PDZD2: variants seen among roughly 807,000 people sequenced by gnomAD.
PDZD2 encodes PDZ domain containing 2.
A neutral mutation model predicts 220.7 loss-of-function variants in PDZD2; 90 were observed. The ratio of observed to expected loss-of-function variants is 0.41; its 90% confidence interval spans 0.34 to 0.49. The LOEUF is 0.49. Ranked by LOEUF, PDZD2 falls within the 20% of genes least tolerant of loss-of-function variation. The probability of loss-of-function intolerance (pLI) is 0.28; values close to 1 mark genes in which losing one functional copy is unlikely to be tolerated. For missense variants in PDZD2, 3,174 were observed against 3,608.5 expected (o/e 0.88, Z 3.08); for synonymous variants, 1,375 against 1,450.5 (o/e 0.95, Z 1.18).
At chr5:31,848,156 A>C (rs1402576780) in intron 2 of PDZD2, 3 of 256,926 alleles carry the variant, frequency 1.2e-5, no homozygotes, top group Non-Finnish European at 2.3e-5. Flanking sequence ...TAAGACCTAA[A>C]CCAAACAATT....
chr5:31,911,241 G>C (rs1380433122), intron 2 of PDZD2, among the ~76,000 whole-genome samples: 3 of 152,184 alleles, frequency 2.0e-5, no homozygotes, highest in Non-Finnish European at 2.9e-5. Flanking sequence ...ACTGTACTAG[G>C]CTGTTGACAT....
chr5:31,860,174 G>A (rs1014831686), intron 2 of PDZD2, among the ~76,000 whole-genome samples: 7 of 151,846 alleles, frequency 4.6e-5, no homozygotes, highest in South Asian at 2.1e-4. Flanking sequence ...CTGTTTTTTC[G>A]CCCCTGCCTC....
intron 6 of PDZD2, among the ~76,000 whole-genome samples, chr5:32,026,421 A>G (rs932837011): frequency 1.3e-5 from 2 of 152,168 alleles, no homozygotes; most frequent in Non-Finnish European, 2.9e-5. Flanking sequence ...GACAGGCGTG[A>G]GCAACTGCGC....
intron 2 of PDZD2, among the ~76,000 whole-genome samples, chr5:31,939,287 TGTATGCACTGGAATTTCAGACACAG>T (rs1746022576): frequency 6.6e-6 from 1 of 152,172 alleles, no homozygotes. Context: ...CTGCTGTTCC[TGTATGCACTGGAATTTCAGACACAG>T]TCAGAAACCT....
Position 32,089,578 on chromosome 5 carries a change from G to T in PDZD2, c.6130G>T (p.Gly2044Cys). The T allele has an allele frequency of 6.2e-7, 1 of 1,612,440 alleles. No individual in the cohort carries two copies. Among genetic ancestry groups the T allele is most frequent in the Non-Finnish European group, 8.5e-7 (1 of 1,180,006 alleles). Residue 2044 changes from glycine to cysteine, a missense_variant, in exon 20 of 25, where the codon GGC (glycine) becomes TGC (cysteine). Coordinates refer to ENST00000438447, the MANE Select transcript of PDZD2 (RefSeq NM_178140.4). ...GGTGAGTCCGGCAGCGTCTAGGAACGGCATGTCCGTGGCAGGGAACAGACA... is the reference window on the plus strand; with the variant it reads ...GGTGAGTCCGGCAGCGTCTAGGAACTGCATGTCCGTGGCAGGGAACAGACA... ...GPVSPAASRN[G>C]MSVAGNRQSE...
At chr5:31,726,255 G>A (rs942650568) in intron 1 of PDZD2, among the ~76,000 whole-genome samples, 6 of 152,184 alleles carry the variant, frequency 3.9e-5, no homozygotes, top group Admixed American at 6.5e-5. Flanking sequence ...TGGGCCGGGC[G>A]CGGTGGCTCA....
intron 2 of PDZD2, among the ~76,000 whole-genome samples, chr5:31,940,756 T>G (rs1290077706): frequency 6.6e-6 from 1 of 152,188 alleles, no homozygotes; most frequent in Non-Finnish European, 1.5e-5. Context: ...AGGCACGAAG[T>G]GGCCCTTGAG....
At chr5:31,795,873 T>C (rs1355250046) in intron 1 of PDZD2, among the ~76,000 whole-genome samples, 2 of 152,188 alleles carry the variant, frequency 1.3e-5, no homozygotes, top group Admixed American at 6.6e-5. Context: ...ATTATAGGTA[T>C]GGGATTGAAA....
intron 2 of PDZD2, among the ~76,000 whole-genome samples, chr5:31,926,540 A>AAAG (rs1215569295): frequency 2.9e-4 from 44 of 151,474 alleles, no homozygotes; most frequent in East Asian, 5.8e-4. Flanking sequence ...AAAAAAAAAA[A>AAAG]AAAAAGAAAA....
In PDZD2 at chr5:31,966,881, C is replaced by T. The variant is rs73751737; in HGVS notation, c.477-16274C>T. Among the ~76,000 whole-genome samples the T allele has an allele frequency of 7.1e-3, 1,078 of 152,212 alleles. 13 individuals are homozygous for T. The highest frequency in any genetic ancestry group is 0.025 in the African/African-American group (1,032 of 41,532). ...CCCCACCAGCCTGCCTGCCACAGAG[C>T]CTCTGAAAAGAAAGAGAAAATCAGA... On this transcript the variant is annotated intron_variant, in intron 2 of 24. Coordinates refer to ENST00000438447, the MANE Select transcript of PDZD2 (RefSeq NM_178140.4).
Position 31,925,767 on chromosome 5 carries a change from A to G in PDZD2, c.477-57388A>G, listed in dbSNP as rs567929803. Among the ~76,000 whole-genome samples, 5 of 152,238 alleles carry G rather than the reference A, an allele frequency of 3.3e-5. No homozygotes were observed. The South Asian group carries it at 1.0e-3, about 32-fold the overall frequency. On this transcript the variant is annotated intron_variant, in intron 2 of 24. Coordinates refer to ENST00000438447, the MANE Select transcript of PDZD2 (RefSeq NM_178140.4). ...ACTTAAACTAGCCAACAAGCAAAAA[A>G]AAAAAAGATAACCCATTTACAAAGT... is the stretch of plus-strand genomic sequence containing the variant.
Position 31,712,341 on chromosome 5 carries a change from G to A in PDZD2, c.-361+72904G>A, listed in dbSNP as rs1748164091. Among the ~76,000 whole-genome samples, 3 of 152,222 alleles carry A rather than the reference G, an allele frequency of 2.0e-5. No homozygotes were observed. In the South Asian group the frequency reaches 6.2e-4, roughly 32 times the overall value. ...CGGCGTTGACTCGGATTCAGCTCAT[G>A]TCTGGGCTGGTCGAGAAGCCCTAGG... On this transcript the variant is annotated intron_variant, in intron 1 of 24. Transcript: ENST00000438447.
chr5:31,678,886 C>A (rs1746546143), intron 1 of PDZD2, among the ~76,000 whole-genome samples: 1 of 152,296 alleles, frequency 6.6e-6, no homozygotes, highest in South Asian at 2.1e-4. Flanking sequence ...GGATTACAGA[C>A]AACAGCCACC....
At chr5:31,720,196 G>A (rs118187900) in intron 1 of PDZD2, among the ~76,000 whole-genome samples, 9 of 152,314 alleles carry the variant, frequency 5.9e-5, no homozygotes, top group East Asian at 1.9e-4. Flanking sequence ...CCCAGATCAC[G>A]TGTCTACATC....
At chr5:31,699,461 GGTTGAGGCCAGGCATGGTGGCTCATGCCT>G (rs1270014731) in intron 1 of PDZD2, among the ~76,000 whole-genome samples, 4 of 152,114 alleles carry the variant, frequency 2.6e-5, no homozygotes, top group Admixed American at 1.3e-4. Context: ...TTAGAAAGGA[GGTTGAGGCCAGGCATGGTGGCTCATGCCT>G]GTAATCCCAG....
intron 2 of PDZD2, among the ~76,000 whole-genome samples, chr5:31,900,154 G>A (rs947775593): frequency 1.3e-5 from 2 of 152,186 alleles, no homozygotes; most frequent in South Asian, 2.1e-4. Context: ...GAGCATTGGG[G>A]TGGATGGTGG....
chr5:31,828,583 C>A lies in PDZD2; in HGVS notation c.476+28859C>A, dbSNP rs550019833. ...GTGCAGAGGCTCACTGTAGCCTCAACCTCCTGGGCTCCAGCAATCCTCCCA... is the reference window on the plus strand; with the variant it reads ...GTGCAGAGGCTCACTGTAGCCTCAAACTCCTGGGCTCCAGCAATCCTCCCA... On this transcript the variant is annotated intron_variant, in intron 2 of 24. Transcript: ENST00000438447. Among the ~76,000 whole-genome samples the A allele has an allele frequency of 1.8e-3, 268 of 152,314 alleles. 1 individual carries two copies. The highest frequency in any genetic ancestry group is 6.3e-3 in the African/African-American group (263 of 41,572).
At chr5:31,708,918 C>CA (rs1385947911) in intron 1 of PDZD2, among the ~76,000 whole-genome samples, 2 of 151,060 alleles carry the variant, frequency 1.3e-5, no homozygotes, top group Admixed American at 1.3e-4. Context: ...GATGGAGTCT[C>CA]ACTCTGTCGC....
chr5:31,780,128 G>A (rs1443381585), intron 1 of PDZD2, among the ~76,000 whole-genome samples: 3 of 152,142 alleles, frequency 2.0e-5, no homozygotes, highest in Non-Finnish European at 4.4e-5. Flanking sequence ...GCATGAAATG[G>A]GAGAAGCAGC....
Sources: gnomAD v4.1 joint callset for allele counts (sites outside exome capture counted in the v4.1 genomes callset) on GRCh38, gnomAD v4.1.1 for gene constraint, MANE v1.5 for transcripts, NCBI Gene and HGNC (gene_info 2026-07-23, HGNC 2026-07-21) for gene names.